EME2: variants seen among roughly 807,000 people sequenced by gnomAD.
EME2 encodes structure-specific endonuclease subunit EME2.
A neutral mutation model predicts 41.9 loss-of-function variants in EME2; 58 were observed. That is an observed-to-expected ratio of 1.38 (90% CI 1.12 to 1.72). The LOEUF (loss-of-function observed/expected upper bound fraction) is 1.72, where lower values mean the gene tolerates loss of function less well. Among genes scored for constraint, EME2 ranks in the 40% most tolerant of loss-of-function variants. EME2 has a pLI of 0.00. For synonymous variants in EME2, 334 were observed against 239.3 expected (o/e 1.40, Z -3.65); for missense variants, 695 against 541.9 (o/e 1.28, Z -2.81).
rs368170282 is a variant in EME2 at position 1,776,516 on chromosome 16, AAC to A, written c.*291_*292del. On this transcript the variant is annotated 3_prime_UTR_variant, in exon 8 of 8. Transcript: ENST00000568449. ...CTCAGCAGCAGGGCTGTGCCCCCCC[AAC>A]ACACACACACACTCGGCAGGGACCA... The A allele has an allele frequency of 5.7e-3, 2,370 of 413,664 alleles. No homozygotes were observed. Among genetic ancestry groups the A allele is most frequent in the East Asian group, 7.3e-3 (183 of 25,060 alleles). 25.6% of individuals were successfully genotyped at this position (413,664 alleles called of 1,614,324 possible).
In EME2 at chr16:1,774,349, C is replaced by T. The variant is rs776554841; in HGVS notation, c.474C>T (p.Thr158=). The change falls in exon 3 of 8, where the codon ACC becomes ACT. Residue 158 remains threonine, a synonymous_variant. Transcript: ENST00000568449. ...TTCTGCAGGGCGTCGCCACACTGAC[C>T]CAGGTGCTCGGGTGGTGGCAGTAGT... ...EEFLQGVATL[T]QISGPTHWVP... The T allele has an allele frequency of 1.2e-6, 2 of 1,612,358 alleles. No homozygotes were observed. The highest frequency in any genetic ancestry group is 2.7e-5 in the African/African-American group (2 of 74,950).
rs147967590 is a variant in EME2 at position 1,776,153 on chromosome 16, G to A, written c.1055G>A (p.Arg352His). ...CCGCCCAGTGAAGGCGGGCGTCCCC[G>A]CAGGGTGGGGCCTGACCTCTCCCGC... is the stretch of plus-strand genomic sequence containing the variant. The part of the protein sequence containing the change: ...PVPPSEGGRP[R>H]RVGPDLSRRI... Residue 352 changes from arginine (R) to histidine (H), a missense_variant, in exon 8 of 8, where the codon CGC becomes CAC. Coordinates refer to ENST00000568449, the MANE Select transcript of EME2 (RefSeq NM_001257370.2). 1.8e-4 allele frequency: 293 copies of A among 1,612,392 alleles called. 1 individual carries two copies. In the African/African-American group the frequency reaches 3.2e-3, roughly 18 times the overall value.
Position 1,777,149 on chromosome 16 carries a change from G to T in EME2, c.*911G>T. On this transcript the variant is annotated 3_prime_UTR_variant, in exon 8 of 8. Transcript: ENST00000568449. ...GCAGGGCCGAGGCTCGCGACTGCTG[G>T]GGTGGGCGGAGGTCGCTGCCTGGGG... The T allele has an allele frequency of 1.2e-6, 2 of 1,611,534 alleles. No homozygotes were observed. The highest frequency in any genetic ancestry group is 8.5e-7 in the Non-Finnish European group (1 of 1,179,840).
chr16:1,774,427 G>T (rs1243316533), intron 3 of EME2, 75 bp downstream of exon 3: 2 of 1,244,558 alleles, frequency 1.6e-6, no homozygotes, highest in East Asian at 2.3e-5. Flanking sequence ...CTGCTCCGCC[G>T]GTCCCTGCCC....
Position 1,777,228 on chromosome 16 carries a change from G to A in EME2, c.*990G>A, listed in dbSNP as rs1339575706. 1 of 1,610,828 alleles carries A rather than the reference G, an allele frequency of 6.2e-7. No individual in the cohort carries two copies. The highest frequency in any genetic ancestry group is 2.2e-5 in the East Asian group (1 of 44,878). On this transcript the variant is annotated 3_prime_UTR_variant, in exon 8 of 8. Coordinates refer to ENST00000568449, the MANE Select transcript of EME2 (RefSeq NM_001257370.2). ...CAACTCATGCTCAGGACCCAGCCCA[G>A]CTTGTTGTGTAGCACCTGCTTGAGG...
intron 2 of EME2, 148 bp downstream of exon 2, chr16:1,773,989 G>A (rs1171820700): frequency 4.4e-6 from 5 of 1,143,594 alleles, no homozygotes; most frequent in East Asian, 5.2e-5. Flanking sequence ...GGGAAGTGGA[G>A]GTGCCCAAGC....
rs76650990 is a variant in EME2 at position 1,773,692 on chromosome 16, C to G, written c.248-13C>G. On this transcript the variant is annotated splice_polypyrimidine_tract_variant and intron_variant, in intron 1 of 7. Coordinates refer to ENST00000568449, the MANE Select transcript of EME2 (RefSeq NM_001257370.2). ...AAGGAAGCAGTGACCGCGCTCCTCTCCCCCGGTCCCAGCCATCCTGGAAGA... is the reference window on the plus strand; with the variant it reads ...AAGGAAGCAGTGACCGCGCTCCTCTGCCCCGGTCCCAGCCATCCTGGAAGA... 7.5e-4 allele frequency: 1,167 copies of G among 1,548,266 alleles called. 13 individuals carry two copies. In the East Asian group the frequency reaches 0.025, roughly 33 times the overall value.
rs201406919 is a variant in EME2, at chr16:1,776,030, G to A, written c.970-38G>A. 1,639 of 1,605,020 alleles carry A rather than the reference G, an allele frequency of 1.0e-3. 2 individuals are homozygous for A. Among genetic ancestry groups the A allele is most frequent in the Non-Finnish European group, 6.6e-4 (774 of 1,176,720 alleles). On this transcript the variant is annotated intron_variant, in intron 7 of 7. Coordinates refer to ENST00000568449, the MANE Select transcript of EME2 (RefSeq NM_001257370.2). ...CAAGCCCTCCAGGTGCAGAAGCCCC[G>A]TCCCCAGGCGCCCTCTCATGCCTTT...
At position 1,778,409 on chromosome 16, in the gene EME2, C is replaced by T; in HGVS notation, c.*2171C>T. On this transcript the variant is annotated 3_prime_UTR_variant, in exon 8 of 8. Transcript: ENST00000568449. ...CCCAGGCCCGCCCGCAGTGCAGTCC[C>T]AGCAGGGGCTGGGCCCCACGCTCAC... 1.2e-6 allele frequency: 2 copies of T among 1,605,868 alleles called. No homozygotes were observed. Among genetic ancestry groups the T allele is most frequent in the Non-Finnish European group, 8.5e-7 (1 of 1,176,406 alleles).
Position 1,772,915 on chromosome 16 carries a change from C to T in EME2, c.-313C>T, listed in dbSNP as rs765217192. ...CCCAGGCCGAAGAGCGGGAGGCGGC[C>T]GAGCAGCTGCAAGAGGCGGCTCTCG... On this transcript the variant is annotated 5_prime_UTR_variant, in exon 1 of 8. Transcript: ENST00000568449. The T allele has an allele frequency of 1.1e-4, 155 of 1,447,400 alleles. No homozygotes were observed. The highest frequency in any genetic ancestry group is 1.4e-4 in the Non-Finnish European group (151 of 1,106,534). The allele number at this position is 1,447,400 out of a possible 1,614,324, so 89.7% of individuals were successfully genotyped here.
Position 1,777,711 on chromosome 16 carries a change from C to T in EME2, c.*1473C>T. On this transcript the variant is annotated 3_prime_UTR_variant, in exon 8 of 8. Transcript: ENST00000568449. ...GGGGTGGCTGCCTCCCTCGGGGTGACAGCTGAGAGGAGCTCAAGTCCTGTG... is the reference window on the plus strand; with the variant it reads ...GGGGTGGCTGCCTCCCTCGGGGTGATAGCTGAGAGGAGCTCAAGTCCTGTG... 6.2e-7 allele frequency: 1 copy of T among 1,605,428 alleles called. No individual in the cohort carries two copies. The highest frequency in any genetic ancestry group is 8.5e-7 in the Non-Finnish European group (1 of 1,175,290).
chr16:1,777,899 C>CCCGGGAGCT lies in EME2; in HGVS notation c.*1664_*1672dup. On this transcript the variant is annotated 3_prime_UTR_variant, in exon 8 of 8. Coordinates refer to ENST00000568449, the MANE Select transcript of EME2 (RefSeq NM_001257370.2). ...TGGGGGCAGCCAGGGTCGCAGTGAGCCCGGGAGCTCCAGGCTCGGCCCCGC... is the reference window on the plus strand; with the variant it reads ...TGGGGGCAGCCAGGGTCGCAGTGAGCCCGGGAGCTCCGGGAGCTCCAGGCTCGGCCCCGC... 6.2e-7 allele frequency: 1 copy of CCCGGGAGCT among 1,611,692 alleles called. No homozygotes were observed. Among genetic ancestry groups the CCCGGGAGCT allele is most frequent in the Non-Finnish European group, 8.5e-7 (1 of 1,179,572 alleles).
At position 1,774,407 on chromosome 16, in the gene EME2, C is replaced by T. The variant is rs552267712; in HGVS notation, c.477+55C>T. 6.8e-6 allele frequency: 10 copies of T among 1,460,784 alleles called. No homozygotes were observed. In the Admixed American group the frequency reaches 8.5e-5, roughly 12 times the overall value. 90.5% of individuals were successfully genotyped at this position (1,460,784 alleles called of 1,614,324 possible). On this transcript the variant is annotated intron_variant, in intron 3 of 7. Transcript: ENST00000568449. ...TAATCAGGAGGGGTGGGTTCCCAGC[C>T]GGGAGGCGCCTGCTCCGCCGGTCCC...
rs371941205 is a variant in EME2 at position 1,777,883 on chromosome 16, C to T, written c.*1645C>T. ...TGTGGTGGAGGAGGCCTGGGGGCAGCCAGGGTCGCAGTGAGCCCGGGAGCT... is the reference window on the plus strand; with the variant it reads ...TGTGGTGGAGGAGGCCTGGGGGCAGTCAGGGTCGCAGTGAGCCCGGGAGCT... On this transcript the variant is annotated 3_prime_UTR_variant, in exon 8 of 8. Transcript: ENST00000568449. 1 of 1,612,044 alleles carries T rather than the reference C, an allele frequency of 6.2e-7. No homozygotes were observed. The highest frequency in any genetic ancestry group is 1.1e-5 in the South Asian group (1 of 91,060).
chr16:1,778,400 G>A lies in EME2; in HGVS notation c.*2162G>A, dbSNP rs1455663749. The A allele has an allele frequency of 6.2e-7, 1 of 1,606,326 alleles. No individual in the cohort carries two copies. Among genetic ancestry groups the A allele is most frequent in the African/African-American group, 1.3e-5 (1 of 74,932 alleles). On this transcript the variant is annotated 3_prime_UTR_variant, in exon 8 of 8. Coordinates refer to ENST00000568449, the MANE Select transcript of EME2 (RefSeq NM_001257370.2). ...CTGCCCACCCCCAGGCCCGCCCGCAGTGCAGTCCCAGCAGGGGCTGGGCCC... is the reference window on the plus strand; with the variant it reads ...CTGCCCACCCCCAGGCCCGCCCGCAATGCAGTCCCAGCAGGGGCTGGGCCC...
chr16:1,777,161 G>A lies in EME2; in HGVS notation c.*923G>A, dbSNP rs2042726183. On this transcript the variant is annotated 3_prime_UTR_variant, in exon 8 of 8. Coordinates refer to ENST00000568449, the MANE Select transcript of EME2 (RefSeq NM_001257370.2). ...CTCGCGACTGCTGGGGTGGGCGGAG[G>A]TCGCTGCCTGGGGATCGGACACTGG... 3 of 1,611,148 alleles carry A rather than the reference G, an allele frequency of 1.9e-6. No homozygotes were observed. The highest frequency in any genetic ancestry group is 2.2e-5 in the East Asian group (1 of 44,886).
intron 3 of EME2, 64 bp from the exon 4 acceptor site, chr16:1,774,977 G>C: frequency 1.6e-6 from 2 of 1,279,744 alleles, no homozygotes; most frequent in Non-Finnish European, 2.2e-6. Flanking sequence ...GCTGTGGCCT[G>C]GTGGCCCATG....
At chr16:1,775,429 G>T in intron 5 of EME2, 21 bp downstream of exon 5, 1 of 1,610,782 alleles carries the variant, frequency 6.2e-7, no homozygotes, top group South Asian at 1.1e-5. Flanking sequence ...GTCTGAGCTG[G>T]GTGAGTCAGG....
chr16:1,775,431 TGA>T (rs2042696408), intron 5 of EME2, 23 bp downstream of exon 5: 1 of 1,610,618 alleles, frequency 6.2e-7, no homozygotes, highest in South Asian at 1.1e-5. Context: ...CTGAGCTGGG[TGA>T]GTCAGGTGGC....
Sources: gnomAD v4.1 joint callset for allele counts on GRCh38, gnomAD v4.1.1 for gene constraint, MANE v1.5 for transcripts, NCBI Gene and HGNC (gene_info 2026-07-23, HGNC 2026-07-21) for gene names.